APAF1: variants seen among roughly 807,000 people sequenced by gnomAD.
APAF1 encodes the protein apoptotic protease-activating factor 1.
In APAF1, 91 loss-of-function variants were observed where a neutral mutation model predicts 152.4. That is an observed-to-expected ratio of 0.60 (90% CI 0.50 to 0.71). The LOEUF (loss-of-function observed/expected upper bound fraction) is 0.71, where lower values mean the gene tolerates loss of function less well. APAF1 is among the 30% of genes least tolerant of loss of function. The probability of loss-of-function intolerance (pLI) is 0.00; values close to 1 mark genes in which losing one functional copy is unlikely to be tolerated. For synonymous variants in APAF1, 484 were observed against 494.1 expected (o/e 0.98, Z 0.27); for missense variants, 1,283 against 1,472.0 (o/e 0.87, Z 2.10).
intron 16 of APAF1, among the ~76,000 whole-genome samples, chr12:98,694,641 C>CT (rs2097707790): frequency 6.6e-6 from 1 of 151,872 alleles, no homozygotes; most frequent in Admixed American, 6.6e-5. Context: ...TATCTTTTAT[C>CT]TTTTTATGGG....
At chr12:98,655,561 G>T (rs945765213) in intron 4 of APAF1, among the ~76,000 whole-genome samples, 8 of 152,202 alleles carry the variant, frequency 5.3e-5, no homozygotes, top group Admixed American at 5.2e-4. Context: ...AAAAGAAAAA[G>T]AAATAAAAGT....
intron 21 of APAF1, among the ~76,000 whole-genome samples, 177 bp from the exon 22 acceptor site, chr12:98,715,234 GCATATATATATATATA>G (rs1565890453): frequency 1.7e-5 from 1 of 58,326 alleles, no homozygotes; most frequent in Non-Finnish European, 3.1e-5. Context: ...TACATGGTGT[GCATATATATATATATA>G]TATATATATA....
intron 16 of APAF1, among the ~76,000 whole-genome samples, chr12:98,689,695 C>A (rs1301317130): frequency 6.6e-6 from 1 of 152,096 alleles, no homozygotes. Flanking sequence ...TAAGCTCAAG[C>A]GATCCTCCCA....
chr12:98,649,359 A>G, intron 3 of APAF1, 128 bp from the exon 4 acceptor site: 2 of 1,329,314 alleles, frequency 1.5e-6, no homozygotes, highest in South Asian at 2.7e-5. Flanking sequence ...TATGCTAGCC[A>G]CATTTTCTTA....
Position 98,732,427 on chromosome 12 carries a change from A to G in APAF1, c.3608A>G (p.Asn1203Ser). The change falls in exon 27 of 27, where the codon AAC becomes AGC. Residue 1203 changes from asparagine (N) to serine (S), a missense_variant. Asn to Ser is a conservative substitution (Grantham distance 46). Transcript: ENST00000551964. ...ISAGGYIKWW[N>S]VVTGESSQTF... ...TTATTTTTCTCTGAACAGTGGTGGA[A>G]CGTTGTCACTGGGGAATCCTCACAG... 1 of 1,613,468 alleles carries G rather than the reference A, an allele frequency of 6.2e-7. No individual in the cohort carries two copies. Among genetic ancestry groups the G allele is most frequent in the Non-Finnish European group, 8.5e-7 (1 of 1,179,380 alleles).
chr12:98,668,071 A>G (rs2097675624), intron 10 of APAF1, among the ~76,000 whole-genome samples: 1 of 152,096 alleles, frequency 6.6e-6, no homozygotes, highest in Non-Finnish European at 1.5e-5. Flanking sequence ...GGCATGAGCC[A>G]CCGCGGCTGG....
chr12:98,646,293 G>A (rs905838793), intron 1 of APAF1, among the ~76,000 whole-genome samples: 7 of 152,156 alleles, frequency 4.6e-5, no homozygotes, highest in African/African-American at 1.2e-4. Context: ...TTATGTTTAA[G>A]AGGACAAAAA....
chr12:98,704,000 C>T (rs149400694), intron 18 of APAF1, among the ~76,000 whole-genome samples: 298 of 152,280 alleles, frequency 2.0e-3, no homozygotes, highest in African/African-American at 6.5e-3. Context: ...TTTGTACTTA[C>T]CTGTTAAATT....
At position 98,703,299 on chromosome 12, in the gene APAF1, A is replaced by T. The variant is rs141981472; in HGVS notation, c.2467-72A>T. ...ATTTTTTTCAGGACTTATATTTGAA[A>T]TGGGAGGATATTAGAATAGCTTATC... On this transcript the variant is annotated intron_variant, in intron 17 of 26. Coordinates refer to ENST00000551964, the MANE Select transcript of APAF1 (RefSeq NM_181861.2). The T allele has an allele frequency of 1.9e-3, 2,977 of 1,539,540 alleles. 77 individuals carry two copies. The Admixed American group carries it at 0.039, about 20-fold the overall frequency.
chr12:98,653,802 A>G (rs532234227), intron 4 of APAF1, among the ~76,000 whole-genome samples: 5 of 126,628 alleles, frequency 3.9e-5, no homozygotes, highest in Non-Finnish European at 6.5e-5. Context: ...ATTTTTTCTT[A>G]TTTGTAGGGA....
intron 5 of APAF1, among the ~76,000 whole-genome samples, chr12:98,662,116 G>A (rs2097666158): frequency 6.7e-6 from 1 of 148,386 alleles, no homozygotes; most frequent in South Asian, 2.1e-4. Context: ...GACTGAGTTG[G>A]AAAATCCCAT....
intron 10 of APAF1, among the ~76,000 whole-genome samples, chr12:98,670,355 T>C (rs183943858): frequency 1.3e-5 from 2 of 152,334 alleles, no homozygotes; most frequent in African/African-American, 4.8e-5. Flanking sequence ...ATCTGTGCTT[T>C]TTGTTTTGTG....
At chr12:98,723,404 A>C (rs1384373545) in intron 23 of APAF1, 92 bp downstream of exon 23, 1 of 1,406,438 alleles carries the variant, frequency 7.1e-7, no homozygotes, top group African/African-American at 1.4e-5. Flanking sequence ...GAGGCTAATT[A>C]CTTACTTAAA....
intron 22 of APAF1, among the ~76,000 whole-genome samples, chr12:98,720,398 T>C (rs1262904699): frequency 1.3e-5 from 2 of 152,222 alleles, no homozygotes; most frequent in Non-Finnish European, 2.9e-5. Context: ...GTTTTCATTT[T>C]TTAAGGTTTT....
chr12:98,697,785 C>T (rs945589062), intron 16 of APAF1, among the ~76,000 whole-genome samples: 3 of 152,142 alleles, frequency 2.0e-5, no homozygotes, highest in African/African-American at 7.2e-5. Context: ...GTCAAATTCT[C>T]CTGTAAGTTT....
At chr12:98,694,445 A>T (rs12370618) in intron 16 of APAF1, among the ~76,000 whole-genome samples, 27,215 of 151,982 alleles carry the variant, frequency 0.18, 2,583 homozygotes, top group Non-Finnish European at 0.2. Context: ...GTGTTTCTGG[A>T]TTAAAATTTT....
intron 18 of APAF1, among the ~76,000 whole-genome samples, chr12:98,704,599 C>T (rs1452897165): frequency 6.6e-6 from 1 of 152,142 alleles, no homozygotes; most frequent in Non-Finnish European, 1.5e-5. Context: ...ATAGGCTTCT[C>T]CTAATTCTAG....
chr12:98,709,809 C>T (rs932182828), intron 20 of APAF1, among the ~76,000 whole-genome samples: 3 of 152,280 alleles, frequency 2.0e-5, no homozygotes, highest in African/African-American at 7.2e-5. Context: ...TTCTCCCTTG[C>T]CCTGAGGATT....
chr12:98,719,844 CT>C (rs2097740025), intron 22 of APAF1, among the ~76,000 whole-genome samples: 1 of 151,918 alleles, frequency 6.6e-6, no homozygotes. Context: ...TTATTATATT[CT>C]TTTATTTAGT....
Sources: allele counts gnomAD v4.1 joint callset (sites outside exome capture counted in the v4.1 genomes callset), GRCh38; gene constraint gnomAD v4.1.1; transcripts MANE v1.5; gene names NCBI Gene and HGNC (gene_info 2026-07-23, HGNC 2026-07-21).